Variants in SLC26A7 observed in about 807,000 individuals in gnomAD.
The protein encoded by SLC26A7 is solute carrier family 26 member 7.
A neutral mutation model predicts 82.5 loss-of-function variants in SLC26A7; 59 were observed. That is an observed-to-expected ratio of 0.72 (90% CI 0.58 to 0.89). The LOEUF is 0.89. Among genes scored for constraint, SLC26A7 ranks in the 40% least tolerant of loss-of-function variants. The pLI is 0.00. For synonymous variants in SLC26A7, 271 were observed against 274.3 expected, an observed-to-expected ratio of 0.99 and a Z score of 0.12; for missense variants, 820 against 793.0, an observed-to-expected ratio of 1.03 and a Z score of -0.41.
rs985987982 is a variant in SLC26A7 at position 91,398,144 on chromosome 8, A to G, written c.*3047A>G. On this transcript the variant is annotated 3_prime_UTR_variant, in exon 19 of 19. Transcript: ENST00000276609. ...GGAAATAAATCGAAATATGATAACT[A>G]TTATGCTTAAATGGATTTGCGTCTA... 2.0e-5 allele frequency: 3 copies of G among 152,590 alleles called. No individual in the cohort carries two copies. The highest frequency in any genetic ancestry group is 7.2e-5 in the African/African-American group (3 of 41,456). 9.5% of individuals were successfully genotyped at this position (152,590 alleles called of 1,614,324 possible). A position where few individuals can be genotyped will look rare whatever the true frequency, so the allele number is the denominator to read the frequency against.
At chr8:91,357,654 C>A (rs1015082525) in intron 11 of SLC26A7, among the ~76,000 whole-genome samples, 2 of 152,126 alleles carry the variant, frequency 1.3e-5, no homozygotes, top group African/African-American at 2.4e-5. Context: ...ACCATGAAAA[C>A]CCTAGAAGAA....
At chr8:91,394,644 A>C in intron 18 of SLC26A7, 1 of 1,132,716 alleles carries the variant, frequency 8.8e-7, no homozygotes. Flanking sequence ...AGTCATCCCT[A>C]TTGTATACAA....
chr8:91,336,495 C>A (rs1395097323), intron 6 of SLC26A7, among the ~76,000 whole-genome samples: 1 of 151,982 alleles, frequency 6.6e-6, no homozygotes, highest in Admixed American at 6.6e-5. Context: ...ACAGCTTCAT[C>A]ATCCCCAAAC....
At chr8:91,308,145 G>A (rs753968514) in intron 4 of SLC26A7, among the ~76,000 whole-genome samples, 1 of 151,880 alleles carries the variant, frequency 6.6e-6, no homozygotes, top group African/African-American at 2.4e-5. Flanking sequence ...TGACACTTTT[G>A]AGGAGTACTG....
At chr8:91,304,391 C>A (rs1253982151) in intron 4 of SLC26A7, among the ~76,000 whole-genome samples, 1 of 152,074 alleles carries the variant, frequency 6.6e-6, no homozygotes, top group African/African-American at 2.4e-5. Flanking sequence ...GTGGCACTTC[C>A]TCCTTCTTTC....
intron 5 of SLC26A7, among the ~76,000 whole-genome samples, chr8:91,331,455 C>G (rs1813079202): frequency 6.6e-6 from 1 of 152,010 alleles, no homozygotes. Flanking sequence ...CTGTTTTAAA[C>G]AATGTTTCAG....
chr8:91,388,608 C>T (rs1006021764), intron 15 of SLC26A7, among the ~76,000 whole-genome samples: 9 of 152,156 alleles, frequency 5.9e-5, no homozygotes, highest in African/African-American at 1.9e-4. Flanking sequence ...GTGATTTGCT[C>T]TGAAAGCCAC....
chr8:91,223,735 G>C (rs1810196109), intron 2 of SLC26A7, among the ~76,000 whole-genome samples: 1 of 152,040 alleles, frequency 6.6e-6, no homozygotes, highest in Admixed American at 6.6e-5. Context: ...TGCTAGGTTG[G>C]GGAAGTTCTC....
At chr8:91,219,924 A>G (rs1810130922) in intron 2 of SLC26A7, among the ~76,000 whole-genome samples, 1 of 152,190 alleles carries the variant, frequency 6.6e-6, no homozygotes, top group Admixed American at 6.5e-5. Flanking sequence ...AAACCCCACC[A>G]GAAATCTATT....
intron 3 of SLC26A7, among the ~76,000 whole-genome samples, chr8:91,292,519 A>G (rs1219405629): frequency 6.6e-6 from 1 of 152,174 alleles, no homozygotes; most frequent in Non-Finnish European, 1.5e-5. Flanking sequence ...TATTATTAAG[A>G]TATTGATGTT....
At chr8:91,239,427 T>C (rs1246719445) in intron 2 of SLC26A7, among the ~76,000 whole-genome samples, 1 of 146,572 alleles carries the variant, frequency 6.8e-6, no homozygotes, top group African/African-American at 2.5e-5. Flanking sequence ...TGTATATATA[T>C]GTATATATGT....
intron 2 of SLC26A7, among the ~76,000 whole-genome samples, chr8:91,234,069 T>C (rs1186955930): frequency 6.6e-6 from 1 of 152,258 alleles, no homozygotes; most frequent in Non-Finnish European, 1.5e-5. Flanking sequence ...TTTATGTGAA[T>C]CTTGAAATAA....
chr8:91,367,917 T>TA (rs1814241715), intron 14 of SLC26A7, among the ~76,000 whole-genome samples: 1 of 152,174 alleles, frequency 6.6e-6, no homozygotes, highest in Non-Finnish European at 1.5e-5. Context: ...TCCTGTCCCT[T>TA]ACAGCTTCAC....
intron 5 of SLC26A7, among the ~76,000 whole-genome samples, chr8:91,327,903 C>A (rs1173880047): frequency 6.6e-6 from 1 of 151,902 alleles, no homozygotes; most frequent in African/African-American, 2.4e-5. Flanking sequence ...ATGGATAATT[C>A]AAAGATGTAT....
chr8:91,322,585 C>A (rs1013439220), intron 5 of SLC26A7, among the ~76,000 whole-genome samples: 1 of 152,100 alleles, frequency 6.6e-6, no homozygotes, highest in Non-Finnish European at 1.5e-5. Flanking sequence ...CCCCAAAAGG[C>A]ACAATAAAAA....
At position 91,384,719 on chromosome 8, in the gene SLC26A7, T is replaced by C. The variant is rs111853169; in HGVS notation, c.1676-4619T>C. Among the ~76,000 whole-genome samples, 518 of 151,962 alleles carry C rather than the reference T, an allele frequency of 3.4e-3. 8 individuals carry two copies. The highest frequency in any genetic ancestry group is 0.012 in the African/African-American group (492 of 41,426). ...ATTGTACTTAGATTTTCTAGGACAGTGCTTAGAGTAGGCACTCAATACATC... is the reference window on the plus strand; with the variant it reads ...ATTGTACTTAGATTTTCTAGGACAGCGCTTAGAGTAGGCACTCAATACATC... On this transcript the variant is annotated intron_variant, in intron 15 of 18. Coordinates refer to ENST00000276609, the MANE Select transcript of SLC26A7 (RefSeq NM_052832.4).
At chr8:91,228,772 G>A (rs1810273753) in intron 2 of SLC26A7, among the ~76,000 whole-genome samples, 1 of 151,940 alleles carries the variant, frequency 6.6e-6, no homozygotes, top group Non-Finnish European at 1.5e-5. Flanking sequence ...AGAAACCAGG[G>A]GTTTCTTGTG....
At chr8:91,314,720 C>T (rs1812581596) in intron 4 of SLC26A7, among the ~76,000 whole-genome samples, 1 of 152,076 alleles carries the variant, frequency 6.6e-6, no homozygotes, top group Non-Finnish European at 1.5e-5. Flanking sequence ...AAGAACTCTC[C>T]ATGTTAAAGA....
intron 4 of SLC26A7, among the ~76,000 whole-genome samples, chr8:91,299,203 A>C (rs918012542): frequency 6.6e-6 from 1 of 151,810 alleles, no homozygotes. Context: ...TATATTATGG[A>C]TATTAGCCCT....
Sources: allele counts gnomAD v4.1 joint callset (sites outside exome capture counted in the v4.1 genomes callset), GRCh38; gene constraint gnomAD v4.1.1; transcripts MANE v1.5; gene names NCBI Gene and HGNC (gene_info 2026-07-23, HGNC 2026-07-21).